The following PTPRT variants were observed in gnomAD, a reference collection of about 807,000 sequenced individuals.
PTPRT encodes the protein protein tyrosine phosphatase receptor type T.
In PTPRT, 56 loss-of-function variants were observed where a neutral mutation model predicts 176.8. The observed-to-expected ratio is 0.32, with a 90% CI of 0.26 to 0.40. The LOEUF is 0.40. Among genes scored for constraint, PTPRT ranks in the 10% least tolerant of loss-of-function variants. The pLI, the probability that PTPRT is intolerant of heterozygous loss-of-function variation, is 1.00. For synonymous variants in PTPRT, 783 were observed against 739.0 expected, an observed-to-expected ratio of 1.06 and a Z score of -0.96; for missense variants, 1,540 against 1,908.2, an observed-to-expected ratio of 0.81 and a Z score of 3.60.
chr20:42,231,272 C>A (rs1309645097), intron 15 of PTPRT, among the ~76,000 whole-genome samples: 1 of 152,178 alleles, frequency 6.6e-6, no homozygotes, highest in Non-Finnish European at 1.5e-5. Flanking sequence ...GGCAGAAGTG[C>A]CCCCATCTCC....
chr20:42,779,137 G>A (rs1205298486), intron 4 of PTPRT, among the ~76,000 whole-genome samples: 1 of 152,234 alleles, frequency 6.6e-6, no homozygotes, highest in Non-Finnish European at 1.5e-5. Context: ...CAGAGGGAGG[G>A]AAGTTACATT....
chr20:42,818,466 G>T (rs2077830656), intron 2 of PTPRT, among the ~76,000 whole-genome samples: 1 of 152,028 alleles, frequency 6.6e-6, no homozygotes. Context: ...AACACAAAAG[G>T]CCAGAGTGCC....
chr20:42,087,841 C>A (rs1984148135), intron 27 of PTPRT, among the ~76,000 whole-genome samples: 1 of 137,342 alleles, frequency 7.3e-6, no homozygotes, highest in Non-Finnish European at 1.5e-5. Flanking sequence ...CCACTGTACT[C>A]CAACCTGGGA....
At chr20:43,144,273 G>A (rs181500944) in intron 1 of PTPRT, among the ~76,000 whole-genome samples, 5 of 152,268 alleles carry the variant, frequency 3.3e-5, no homozygotes, top group African/African-American at 4.8e-5. Context: ...ACCTGAGCTC[G>A]TGGCCTTGTC....
intron 7 of PTPRT, among the ~76,000 whole-genome samples, chr20:42,608,626 G>A (rs1202685404): frequency 6.6e-6 from 1 of 152,154 alleles, no homozygotes; most frequent in Non-Finnish European, 1.5e-5. Flanking sequence ...CTGAGATCTG[G>A]AGCTGCTGGA....
intron 1 of PTPRT, among the ~76,000 whole-genome samples, chr20:42,918,101 C>G (rs774151022): frequency 1.6e-4 from 24 of 152,034 alleles, no homozygotes; most frequent in Non-Finnish European, 3.2e-4. Flanking sequence ...TCTTTCAGTT[C>G]AGGGGCAGTA....
At chr20:42,429,328 T>G (rs80114791) in intron 9 of PTPRT, among the ~76,000 whole-genome samples, 3,039 of 152,100 alleles carry the variant, frequency 0.02, 112 homozygotes, top group African/African-American at 0.069. Context: ...TGTGAGCCGG[T>G]TGAGAGAATC....
intron 15 of PTPRT, among the ~76,000 whole-genome samples, chr20:42,229,860 TTTTTC>T: frequency 6.6e-6 from 1 of 152,268 alleles, no homozygotes; most frequent in Middle Eastern, 3.4e-3. Flanking sequence ...ATGTCATTTT[TTTTTC>T]TTTTCAAGAA....
At chr20:43,083,339 T>TACAC (rs1555828940) in intron 1 of PTPRT, among the ~76,000 whole-genome samples, 2 of 109,244 alleles carry the variant, frequency 1.8e-5, no homozygotes, top group African/African-American at 7.0e-5. Context: ...TATATATATA[T>TACAC]ATATATATAT....
intron 1 of PTPRT, among the ~76,000 whole-genome samples, chr20:43,105,729 A>C (rs751025196): frequency 7.9e-5 from 12 of 152,198 alleles, no homozygotes; most frequent in Admixed American, 5.2e-4. Context: ...GACTCATCAC[A>C]TAAAATTCTT....
intron 9 of PTPRT, among the ~76,000 whole-genome samples, chr20:42,434,063 A>G (rs2059239364): frequency 6.6e-6 from 1 of 152,168 alleles, no homozygotes; most frequent in Non-Finnish European, 1.5e-5. Flanking sequence ...TGTTGGGCAT[A>G]GTGAAAATTA....
chr20:42,303,274 T>C (rs2145318896), intron 12 of PTPRT, among the ~76,000 whole-genome samples: 1 of 152,370 alleles, frequency 6.6e-6, no homozygotes, highest in East Asian at 1.9e-4. Flanking sequence ...AAGGCCAATT[T>C]ATTATGATAA....
rs141761815 is a variant in PTPRT at position 42,536,586 on chromosome 20, T to C, written c.1154-64024A>G. 3.5e-4 allele frequency among the ~76,000 whole-genome samples: 54 copies of C among 152,272 alleles called. No individual in the cohort carries two copies. In the East Asian group the frequency reaches 9.8e-3, roughly 28 times the overall value. Reference sequence around the variant, plus strand: ...TGTCATGACTGTTCTGGGCCACTGATTACACATCTCTAAAATGAAGACAGT... The same window carrying C: ...TGTCATGACTGTTCTGGGCCACTGACTACACATCTCTAAAATGAAGACAGT... On this transcript the variant is annotated intron_variant, in intron 7 of 30. Coordinates refer to ENST00000373187, the MANE Select transcript of PTPRT (RefSeq NM_007050.6).
At chr20:42,284,961 G>GA (rs370285823) in intron 12 of PTPRT, among the ~76,000 whole-genome samples, 2,989 of 112,586 alleles carry the variant, frequency 0.027, 41 homozygotes, top group Admixed American at 0.034. Flanking sequence ...CCCAAAAGAT[G>GA]AAAAAAAAAA....
chr20:42,853,449 A>G (rs79872155), intron 2 of PTPRT, among the ~76,000 whole-genome samples: 7,671 of 152,250 alleles, frequency 0.05, 265 homozygotes, highest in Non-Finnish European at 0.078. Flanking sequence ...TATAACTCTC[A>G]GTCTGAGGCC....
At chr20:42,937,246 C>T (rs206645) in intron 1 of PTPRT, among the ~76,000 whole-genome samples, 1,679 of 152,326 alleles carry the variant, frequency 0.011, 29 homozygotes, top group African/African-American at 0.037. Flanking sequence ...ACTGCTCCTA[C>T]GTTATCCACA....
At chr20:42,810,845 G>A (rs547986314) in intron 2 of PTPRT, among the ~76,000 whole-genome samples, 17 of 152,266 alleles carry the variant, frequency 1.1e-4, no homozygotes, top group South Asian at 4.1e-4. Context: ...CCCTTTGCCC[G>A]TCCAACCCGC....
intron 7 of PTPRT, among the ~76,000 whole-genome samples, chr20:42,477,378 AAT>A (rs201831161): frequency 6.6e-5 from 10 of 150,952 alleles, no homozygotes; most frequent in African/African-American, 7.3e-5. Flanking sequence ...CTTTAAGGGT[AAT>A]ATATATATAT....
intron 13 of PTPRT, among the ~76,000 whole-genome samples, chr20:42,262,889 AG>A (rs2056773667): frequency 6.6e-6 from 1 of 152,178 alleles, no homozygotes; most frequent in African/African-American, 2.4e-5. Flanking sequence ...TGGCCCACCC[AG>A]TTGACTATCT....
Sources: allele counts gnomAD v4.1 joint callset (sites outside exome capture counted in the v4.1 genomes callset), GRCh38; gene constraint gnomAD v4.1.1; transcripts MANE v1.5; gene names NCBI Gene and HGNC (gene_info 2026-07-23, HGNC 2026-07-21).